The following TUSC3 variants were observed in gnomAD, a reference collection of about 807,000 sequenced individuals.
The protein encoded by TUSC3 is tumor suppressor candidate 3.
TUSC3 carries 45 observed loss-of-function variants against 44.8 expected under a neutral mutation model. The ratio of observed to expected loss-of-function variants is 1.00; its 90% CI spans 0.79 to 1.29. The LOEUF (loss-of-function observed/expected upper bound fraction) is 1.29. Among genes scored for constraint, TUSC3 ranks in the 50% most tolerant of loss-of-function variants. The pLI is 0.00. For missense variants in TUSC3, 519 were observed against 437.9 expected (o/e 1.19, Z -1.65); for synonymous variants, 212 against 152.9 (o/e 1.39, Z -2.85).
intron 2 of TUSC3, among the ~76,000 whole-genome samples, chr8:15,643,755 T>C (rs1245806800): frequency 2.0e-5 from 3 of 152,228 alleles, no homozygotes; most frequent in Non-Finnish European, 4.4e-5. Flanking sequence ...TGGGCCCTGA[T>C]ATGTATAGCG....
chr8:15,453,422 C>A (rs1585051352), intron 1 of TUSC3, among the ~76,000 whole-genome samples: 1 of 152,172 alleles, frequency 6.6e-6, no homozygotes, highest in East Asian at 1.9e-4. Flanking sequence ...TAGCTCCTAG[C>A]CCCTTTTCTT....
At chr8:15,829,271 T>C in the TUSC3 span, among the ~76,000 whole-genome samples, 9 of 152,304 alleles carry the variant, frequency 5.9e-5, no homozygotes, top group African/African-American at 1.9e-4. Flanking sequence ...ATTTATCTTT[T>C]TGAGCATAAA....
chr8:15,580,862 C>T lies in TUSC3; in HGVS notation c.138+40294C>T, dbSNP rs1295307064. Among the ~76,000 whole-genome samples the T allele has an allele frequency of 1.2e-4, 17 of 143,336 alleles. 1 individual carries two copies. Among genetic ancestry groups the T allele is most frequent in the African/African-American group, 4.3e-4 (16 of 36,850 alleles). 94.0% of individuals were successfully genotyped at this position (143,336 alleles called of 152,430 possible). A position where few individuals can be genotyped will look rare whatever the true frequency, so the allele number is the denominator to read the frequency against. On this transcript the variant is annotated intron_variant, in intron 1 of 10. Transcript: ENST00000503731. ...TGTATTTCCTTAATCTGAACGTTGG[C>T]CTGCCTTGCTAGATTGGGGAAGTTC...
At chr8:15,844,277 G>T in the TUSC3 span, among the ~76,000 whole-genome samples, 1 of 152,124 alleles carries the variant, frequency 6.6e-6, no homozygotes, top group Non-Finnish European at 1.5e-5. Flanking sequence ...ACTTCCCTTA[G>T]TTATTAATTC....
chr8:15,641,361 CAAA>C (rs34446791), intron 2 of TUSC3, among the ~76,000 whole-genome samples: 2 of 99,492 alleles, frequency 2.0e-5, no homozygotes, highest in Non-Finnish European at 4.0e-5. Flanking sequence ...GACTCCGTCT[CAAA>C]AAAAAAAAAA....
the TUSC3 span, among the ~76,000 whole-genome samples, chr8:15,784,542 G>T: frequency 7.2e-4 from 110 of 151,988 alleles, no homozygotes; most frequent in Non-Finnish European, 1.2e-3. Flanking sequence ...ATATGTGTGT[G>T]TGTATGCACA....
intron 1 of TUSC3, among the ~76,000 whole-genome samples, chr8:15,447,861 C>T (rs75987524): frequency 0.017 from 2,638 of 151,250 alleles, 43 homozygotes; most frequent in South Asian, 0.07. Context: ...ACTCCCTCAT[C>T]GTATTTATAT....
chr8:15,476,079 A>T (rs969233620), intron 1 of TUSC3, among the ~76,000 whole-genome samples: 1 of 152,196 alleles, frequency 6.6e-6, no homozygotes, highest in African/African-American at 2.4e-5. Flanking sequence ...ATTCTGAATA[A>T]CGTGAACTTT....
In TUSC3 at chr8:15,583,579, G is replaced by T. The variant is rs192675374; in HGVS notation, c.139-39501G>T. Among the ~76,000 whole-genome samples, 363 of 152,256 alleles carry T rather than the reference G, an allele frequency of 2.4e-3. 1 individual carries two copies. The highest frequency in any genetic ancestry group is 8.1e-3 in the African/African-American group (337 of 41,548). On this transcript the variant is annotated intron_variant, in intron 1 of 10. Transcript: ENST00000503731. Reference sequence around the variant, plus strand: ...TAGATCCCGTGGATGGTAAATATATGCATTCAATGTAAGAAAGAAGAATTT... The same window carrying T: ...TAGATCCCGTGGATGGTAAATATATTCATTCAATGTAAGAAAGAAGAATTT...
intron 2 of TUSC3, among the ~76,000 whole-genome samples, chr8:15,493,755 T>A (rs994575656): frequency 8.5e-5 from 13 of 152,136 alleles, no homozygotes; most frequent in African/African-American, 3.1e-4. Context: ...GTTCAAAAAG[T>A]GAGCCCCCAA....
At chr8:15,633,236 A>G (rs546964753) in intron 2 of TUSC3, among the ~76,000 whole-genome samples, 2 of 152,274 alleles carry the variant, frequency 1.3e-5, no homozygotes, top group East Asian at 3.9e-4. Context: ...AGACATTAAT[A>G]CAGGTATAGC....
At chr8:15,584,212 A>G (rs906292395) in intron 1 of TUSC3, among the ~76,000 whole-genome samples, 2 of 152,228 alleles carry the variant, frequency 1.3e-5, no homozygotes, top group African/African-American at 4.8e-5. Flanking sequence ...TTAGAGAACC[A>G]ATGTGTTGGC....
At chr8:15,522,321 C>T (rs1801309927) in intron 2 of TUSC3, among the ~76,000 whole-genome samples, 1 of 152,052 alleles carries the variant, frequency 6.6e-6, no homozygotes, top group Non-Finnish European at 1.5e-5. Flanking sequence ...CAACCTCTGC[C>T]TCCCGGGTTC....
chr8:15,445,456 A>T (rs1165618578), intron 1 of TUSC3, among the ~76,000 whole-genome samples: 3 of 152,054 alleles, frequency 2.0e-5, no homozygotes, highest in African/African-American at 7.2e-5. Context: ...TAGGCAGAGG[A>T]CCCTGCGGCC....
chr8:15,584,366 A>G (rs1035577306), intron 1 of TUSC3, among the ~76,000 whole-genome samples: 2 of 152,192 alleles, frequency 1.3e-5, no homozygotes, highest in African/African-American at 2.4e-5. Context: ...GCTTACATGT[A>G]GGAATTGTCT....
intron 1 of TUSC3, among the ~76,000 whole-genome samples, chr8:15,563,685 CAAAAA>C (rs150368776): frequency 1.4e-4 from 11 of 79,958 alleles, no homozygotes; most frequent in East Asian, 7.5e-4. Context: ...GCCTCCATCT[CAAAAA>C]AAAAAAAAAA....
At chr8:15,648,400 C>G (rs1235575074) in intron 2 of TUSC3, among the ~76,000 whole-genome samples, 1 of 152,044 alleles carries the variant, frequency 6.6e-6, no homozygotes, top group African/African-American at 2.4e-5. Flanking sequence ...CGGGCAGACT[C>G]TGAGGGTTGT....
At chr8:15,504,488 T>A (rs2129127395) in intron 2 of TUSC3, among the ~76,000 whole-genome samples, 1 of 149,770 alleles carries the variant, frequency 6.7e-6, no homozygotes, top group East Asian at 2.0e-4. Context: ...ATATTTCTAC[T>A]ACTGCCATAT....
At chr8:15,581,821 C>G (rs1305180071) in intron 1 of TUSC3, among the ~76,000 whole-genome samples, 1 of 129,402 alleles carries the variant, frequency 7.7e-6, no homozygotes, top group African/African-American at 3.4e-5. Flanking sequence ...GCAGGCAGGC[C>G]TCCTTGAGCT....
Sources: gnomAD v4.1 joint callset for allele counts (sites outside exome capture counted in the v4.1 genomes callset) on GRCh38, gnomAD v4.1.1 for gene constraint, MANE v1.5 for transcripts, NCBI Gene and HGNC (gene_info 2026-07-23, HGNC 2026-07-21) for gene names.